Variants in PLXDC2 observed in about 807,000 individuals in gnomAD.
PLXDC2 encodes the protein plexin domain-containing protein 2.
In PLXDC2, 40 loss-of-function variants were observed where a neutral mutation model predicts 68.9. The observed-to-expected ratio is 0.58, with a 90% CI of 0.45 to 0.76. The LOEUF (loss-of-function observed/expected upper bound fraction) is 0.76, where lower values mean the gene tolerates loss of function less well. PLXDC2 is among the 30% of genes least tolerant of loss of function. The pLI is 0.00. For missense variants in PLXDC2, 644 were observed against 661.9 expected, an observed-to-expected ratio of 0.97 and a Z score of 0.30; for synonymous variants, 243 against 234.2, an observed-to-expected ratio of 1.04 and a Z score of -0.34.
chr10:19,879,868 C>A (rs1837697814), intron 1 of PLXDC2, among the ~76,000 whole-genome samples: 1 of 152,112 alleles, frequency 6.6e-6, no homozygotes. Flanking sequence ...TGTTTGGAAA[C>A]CCCTAATCTA....
At chr10:19,927,734 A>AAAAAAAAAAAAAAC in intron 1 of PLXDC2, among the ~76,000 whole-genome samples, 1 of 150,952 alleles carries the variant, frequency 6.6e-6, no homozygotes, top group Non-Finnish European at 1.5e-5. Flanking sequence ...AAAAAAAAAA[A>AAAAAAAAAAAAAAC]AAAAGCAAGG....
At chr10:20,239,352 T>A (rs565323223) in intron 12 of PLXDC2, among the ~76,000 whole-genome samples, 1 of 152,308 alleles carries the variant, frequency 6.6e-6, no homozygotes, top group African/African-American at 2.4e-5. Flanking sequence ...CACACTGCTA[T>A]CAAGAAGTCC....
In PLXDC2 at chr10:20,279,920, G is replaced by A. The variant is rs777085416; in HGVS notation, c.*101G>A. The A allele has an allele frequency of 1.2e-6, 1 of 835,468 alleles. No homozygotes were observed. Among genetic ancestry groups the A allele is most frequent in the Non-Finnish European group, 2.0e-6 (1 of 505,378 alleles). The allele number at this position is 835,468 out of a possible 1,614,324, so 51.8% of individuals were successfully genotyped here. On this transcript the variant is annotated 3_prime_UTR_variant, in exon 14 of 14. Coordinates refer to ENST00000377252, the MANE Select transcript of PLXDC2 (RefSeq NM_032812.9). ...AACAAACAAACACACACACAAACAA[G>A]CTCTAAGCTGCTGTAGCCTGAAGAA...
intron 1 of PLXDC2, among the ~76,000 whole-genome samples, chr10:19,850,650 A>G (rs746829503): frequency 6.6e-6 from 1 of 152,186 alleles, no homozygotes; most frequent in South Asian, 2.1e-4. Flanking sequence ...TTAAATTACT[A>G]TCTGTTAAAT....
chr10:19,850,329 T>A lies in PLXDC2; in HGVS notation c.112+33138T>A, dbSNP rs560993801. 7.3e-4 allele frequency among the ~76,000 whole-genome samples: 111 copies of A among 151,758 alleles called. 5 individuals are homozygous for A. In the South Asian group the frequency reaches 0.022, roughly 30 times the overall value. On this transcript the variant is annotated intron_variant, in intron 1 of 13. Transcript: ENST00000377252. ...ACATTTTGAATAAGGAAAAATTAAA[T>A]ATGTATTTTCCCCAGCAGTAATTTT...
At chr10:20,047,078 C>A in intron 3 of PLXDC2, 63 bp downstream of exon 3, 1 of 1,447,956 alleles carries the variant, frequency 6.9e-7, no homozygotes, top group Non-Finnish European at 9.2e-7. Context: ...CTTTAATTGG[C>A]CTACAACCAT....
At chr10:20,172,200 T>C (rs1240652307) in intron 7 of PLXDC2, among the ~76,000 whole-genome samples, 1 of 137,268 alleles carries the variant, frequency 7.3e-6, no homozygotes, top group Middle Eastern at 4.1e-3. Flanking sequence ...CAATTCAATT[T>C]AATGAAGTCA....
chr10:20,230,191 T>C (rs1835342423), intron 12 of PLXDC2, among the ~76,000 whole-genome samples: 1 of 152,198 alleles, frequency 6.6e-6, no homozygotes, highest in Admixed American at 6.5e-5. Flanking sequence ...AACTCTATGC[T>C]GTGTATAAGA....
intron 6 of PLXDC2, among the ~76,000 whole-genome samples, chr10:20,149,530 C>T (rs994565407): frequency 6.6e-6 from 1 of 152,162 alleles, no homozygotes; most frequent in East Asian, 1.9e-4. Context: ...TGAGCCACTG[C>T]GCCCGGCCGA....
chr10:20,085,803 A>G (rs2131725684), intron 4 of PLXDC2, among the ~76,000 whole-genome samples: 1 of 152,320 alleles, frequency 6.6e-6, no homozygotes, highest in South Asian at 2.1e-4. Context: ...AATGCACTTT[A>G]AGAAACAGAC....
chr10:20,185,058 A>G (rs1834663094), intron 9 of PLXDC2, among the ~76,000 whole-genome samples: 1 of 150,356 alleles, frequency 6.7e-6, no homozygotes, highest in African/African-American at 2.4e-5. Flanking sequence ...TGCGGGGCTT[A>G]AAACCTAGAT....
At chr10:20,167,915 A>T (rs1184472174) in intron 7 of PLXDC2, among the ~76,000 whole-genome samples, 3 of 152,124 alleles carry the variant, frequency 2.0e-5, no homozygotes, top group Non-Finnish European at 4.4e-5. Context: ...ATTCTTCCTC[A>T]CATCAACAAC....
chr10:20,250,588 T>A (rs968138706), intron 13 of PLXDC2, among the ~76,000 whole-genome samples: 1 of 152,172 alleles, frequency 6.6e-6, no homozygotes. Flanking sequence ...AGTAGTGGAG[T>A]CAGGATTTAA....
intron 1 of PLXDC2, among the ~76,000 whole-genome samples, chr10:19,838,163 A>G (rs145517100): frequency 0.011 from 1,743 of 152,026 alleles, 24 homozygotes; most frequent in Non-Finnish European, 0.014. Flanking sequence ...GGGTCTTGCT[A>G]TGTTGCCCAG....
At chr10:20,261,952 C>A (rs945638298) in intron 13 of PLXDC2, among the ~76,000 whole-genome samples, 5 of 152,160 alleles carry the variant, frequency 3.3e-5, no homozygotes, top group Non-Finnish European at 4.4e-5. Flanking sequence ...GAGTGGCCAG[C>A]ATGGCCAACT....
chr10:20,092,017 C>T (rs1185691731), intron 4 of PLXDC2, among the ~76,000 whole-genome samples: 1 of 152,094 alleles, frequency 6.6e-6, no homozygotes, highest in African/African-American at 2.4e-5. Flanking sequence ...TTTTATACAT[C>T]TAATCCCAAC....
intron 4 of PLXDC2, among the ~76,000 whole-genome samples, chr10:20,133,357 G>A (rs553495445): frequency 4.3e-4 from 66 of 152,158 alleles, no homozygotes; most frequent in East Asian, 5.8e-4. Flanking sequence ...TCAACTTAAA[G>A]GTTCTCTTTA....
chr10:20,056,291 C>A (rs1371247760), intron 3 of PLXDC2, among the ~76,000 whole-genome samples: 1 of 152,132 alleles, frequency 6.6e-6, no homozygotes, highest in Non-Finnish European at 1.5e-5. Context: ...ATTCCAGGGC[C>A]TGACTCTTTT....
intron 1 of PLXDC2, among the ~76,000 whole-genome samples, chr10:19,870,111 C>A (rs538317355): frequency 6.6e-6 from 1 of 151,980 alleles, no homozygotes; most frequent in African/African-American, 2.4e-5. Context: ...TGCACAAATG[C>A]GACAAAGGGA....
Sources: allele counts gnomAD v4.1 joint callset (sites outside exome capture counted in the v4.1 genomes callset), GRCh38; gene constraint gnomAD v4.1.1; transcripts MANE v1.5; gene names NCBI Gene and HGNC (gene_info 2026-07-23, HGNC 2026-07-21).